Variants in CNR2 observed in about 807,000 individuals in gnomAD.
The protein encoded by CNR2 is cannabinoid receptor 2 (macrophage).
For missense variants in CNR2, 379 were observed against 439.9 expected (o/e 0.86, Z 1.24); for synonymous variants, 172 against 182.2 (o/e 0.94, Z 0.45).
At chr1:23,890,641 A>G (rs1640172363) in intron 1 of CNR2, among the ~76,000 whole-genome samples, 1 of 151,720 alleles carries the variant, frequency 6.6e-6, no homozygotes, top group Non-Finnish European at 1.5e-5. Context: ...GCTACTCGGG[A>G]GGCTGAGGCA....
intron 1 of CNR2, among the ~76,000 whole-genome samples, chr1:23,892,355 G>C (rs1640206011): frequency 6.6e-6 from 1 of 152,220 alleles, no homozygotes; most frequent in Non-Finnish European, 1.5e-5. Flanking sequence ...TCCTAGAGGA[G>C]AGATGAAAAG....
chr1:23,902,119 C>T, intron 1 of CNR2: 1 of 1,462,034 alleles, frequency 6.8e-7, no homozygotes, highest in South Asian at 1.1e-5. Context: ...CAAAACATGC[C>T]TCTTGTTTCG....
rs1570695594 is a variant in CNR2 at position 23,871,365 on chromosome 1, A to G, written c.*3170T>C. On this transcript the variant is annotated 3_prime_UTR_variant, in exon 2 of 2. Transcript: ENST00000374472. ...ATTCCACCGATGAATAAAGAAAGGCATGCTTCAACTTTAAGGAATGACAGT... is the reference window on the plus strand; with the variant it reads ...ATTCCACCGATGAATAAAGAAAGGCGTGCTTCAACTTTAAGGAATGACAGT... 1.3e-5 allele frequency: 2 copies of G among 152,362 alleles called. No individual in the cohort carries two copies. The highest frequency in any genetic ancestry group is 2.9e-5 in the Non-Finnish European group (2 of 68,038). 9.4% of individuals were successfully genotyped at this position (152,362 alleles called of 1,614,324 possible). A position where few individuals can be genotyped will look rare whatever the true frequency, so the allele number is the denominator to read the frequency against.
intron 1 of CNR2, among the ~76,000 whole-genome samples, chr1:23,878,896 T>G (rs181839557): frequency 4.5e-4 from 69 of 152,292 alleles, no homozygotes; most frequent in African/African-American, 1.7e-3. Context: ...TATACCCAGC[T>G]AAACTATCAT....
intron 1 of CNR2, among the ~76,000 whole-genome samples, chr1:23,909,987 C>T (rs1219366966): frequency 1.3e-5 from 2 of 148,226 alleles, no homozygotes; most frequent in Non-Finnish European, 3.0e-5. Flanking sequence ...TTTTTTGAAA[C>T]AGTATCTTGC....
chr1:23,907,307 A>G (rs899252517), intron 1 of CNR2: 1 of 151,062 alleles, frequency 6.6e-6, no homozygotes, highest in Non-Finnish European at 1.5e-5. Context: ...GAGGCAGGAT[A>G]ATCGCTTGAA....
intron 1 of CNR2, among the ~76,000 whole-genome samples, chr1:23,898,563 G>A (rs11488704): frequency 0.98 from 139,172 of 141,814 alleles, 68,356 homozygotes; most frequent in East Asian, 1. Context: ...GGATGGTCTC[G>A]ATCCCCTGAC....
intron 1 of CNR2, among the ~76,000 whole-genome samples, chr1:23,876,564 G>T (rs534041671): frequency 1.3e-5 from 2 of 151,814 alleles, no homozygotes; most frequent in Admixed American, 6.6e-5. Context: ...GGCTGGGCAC[G>T]GTGGTTCACG....
At chr1:23,879,736 TA>T (rs913104807) in intron 1 of CNR2, among the ~76,000 whole-genome samples, 6 of 149,306 alleles carry the variant, frequency 4.0e-5, no homozygotes, top group East Asian at 2.0e-4. Context: ...ATTTTAGGCT[TA>T]AAAAAAAAAC....
chr1:23,879,729 T>A (rs1177455117), intron 1 of CNR2, among the ~76,000 whole-genome samples: 1 of 152,156 alleles, frequency 6.6e-6, no homozygotes, highest in Non-Finnish European at 1.5e-5. Flanking sequence ...TTGATTAATT[T>A]TAGGCTTAAA....
At chr1:23,910,828 T>C (rs1404283753) in intron 1 of CNR2, among the ~76,000 whole-genome samples, 1 of 152,068 alleles carries the variant, frequency 6.6e-6, no homozygotes, top group Non-Finnish European at 1.5e-5. Flanking sequence ...CCAGGTTGCC[T>C]GAGTAATTGA....
At chr1:23,906,986 A>C (rs1283646253) in intron 1 of CNR2, 1 of 138,158 alleles carries the variant, frequency 7.2e-6, no homozygotes, top group African/African-American at 2.7e-5. Flanking sequence ...TACCCAGTAC[A>C]GGAAAAGACA....
In CNR2 at chr1:23,874,744, A is replaced by T; in HGVS notation, c.874T>A (p.Ser292Thr). 6.2e-7 allele frequency: 1 copy of T among 1,614,080 alleles called. No individual in the cohort carries two copies. The highest frequency in any genetic ancestry group is 8.5e-7 in the Non-Finnish European group (1 of 1,180,010). Reference sequence around the variant, plus strand: ...GCATAGATGACAGGGTTGACCATGGAGTTGATGAGGCACAGCATGGAGCAG... The same window carrying T: ...GCATAGATGACAGGGTTGACCATGGTGTTGATGAGGCACAGCATGGAGCAG... ...AFCSMLCLIN[S>T]MVNPVIYALR... The change falls in exon 2 of 2, where the codon TCC (serine) becomes ACC (threonine). Residue 292 changes from serine to threonine, a missense_variant. Transcript: ENST00000374472.
In CNR2 at chr1:23,897,801, A is replaced by C. The variant is rs192419096; in HGVS notation, c.-46+15445T>G. Among the ~76,000 whole-genome samples, 26 of 152,120 alleles carry C rather than the reference A, an allele frequency of 1.7e-4. No individual in the cohort carries two copies. The East Asian group carries it at 4.7e-3, about 27-fold the overall frequency. On this transcript the variant is annotated intron_variant, in intron 1 of 1. Transcript: ENST00000374472. ...TAAATGAAAATAACTTTTTGTGGCA[A>C]ATCTCTTTAATTGTCTGGTTTATGA...
rs199702697 is a variant in CNR2 at position 23,912,282 on chromosome 1, AC to A, written c.-46+963del. Among the ~76,000 whole-genome samples, 948 of 152,326 alleles carry A rather than the reference AC, an allele frequency of 6.2e-3. 12 individuals are homozygous for A. Among genetic ancestry groups the A allele is most frequent in the African/African-American group, 0.022 (899 of 41,568 alleles). ...CTCTTCCCTCCGCTGAGTGGAACTTACACCAAAGCAGACCCCTGGCCTCCTG... is the reference window on the plus strand; with the variant it reads ...CTCTTCCCTCCGCTGAGTGGAACTTAACCAAAGCAGACCCCTGGCCTCCTG... On this transcript the variant is annotated intron_variant, in intron 1 of 1. Transcript: ENST00000374472.
chr1:23,905,471 C>T (rs981919048), intron 1 of CNR2, among the ~76,000 whole-genome samples: 22 of 150,950 alleles, frequency 1.5e-4, no homozygotes, highest in Middle Eastern at 3.5e-3. Flanking sequence ...TGAGCCACCG[C>T]GCCCAGCCAT....
At position 23,894,654 on chromosome 1, in the gene CNR2, T is replaced by G. The variant is rs7553656; in HGVS notation, c.-46+18592A>C. ...CCATCTGTATTATAAATAATAATAATAAAAAAATCAGCCAGGCAGGAGAAT... is the reference window on the plus strand; with the variant it reads ...CCATCTGTATTATAAATAATAATAAGAAAAAAATCAGCCAGGCAGGAGAAT... On this transcript the variant is annotated intron_variant, in intron 1 of 1. Coordinates refer to ENST00000374472, the MANE Select transcript of CNR2 (RefSeq NM_001841.3). Among the ~76,000 whole-genome samples, 3 of 133,444 alleles carry G rather than the reference T, an allele frequency of 2.2e-5. No individual in the cohort carries two copies. The South Asian group carries it at 6.9e-4, about 31-fold the overall frequency. The allele number at this position is 133,444 out of a possible 152,430, so 87.5% of individuals were successfully genotyped here.
chr1:23,905,512 A>G (rs1180279043), intron 1 of CNR2, among the ~76,000 whole-genome samples: 1 of 150,378 alleles, frequency 6.6e-6, no homozygotes, highest in Non-Finnish European at 1.5e-5. Flanking sequence ...ATATATTTAT[A>G]TATTAATTTA....
At chr1:23,877,222 A>G (rs566961089) in intron 1 of CNR2, among the ~76,000 whole-genome samples, 3 of 152,354 alleles carry the variant, frequency 2.0e-5, no homozygotes, top group South Asian at 2.1e-4. Flanking sequence ...GTTTCTGGGT[A>G]GATCTGAAAA....
Sources: gnomAD v4.1 joint callset for allele counts (sites outside exome capture counted in the v4.1 genomes callset) on GRCh38, gnomAD v4.1.1 for gene constraint, MANE v1.5 for transcripts, NCBI Gene and HGNC (gene_info 2026-07-23, HGNC 2026-07-21) for gene names.